MSRA: variants seen among roughly 807,000 people sequenced by gnomAD.
MSRA encodes mitochondrial peptide methionine sulfoxide reductase.
In MSRA, 54 loss-of-function variants were observed where a neutral mutation model predicts 31.3. That is an observed-to-expected ratio of 1.73 (90% CI 1.39 to 2.17). MSRA has a LOEUF of 2.17. Among genes scored for constraint, MSRA ranks in the 30% most tolerant of loss-of-function variants. The pLI is 0.00. For missense variants in MSRA, 507 were observed against 300.9 expected, an observed-to-expected ratio of 1.69 and a Z score of -5.07; for synonymous variants, 169 against 116.5, an observed-to-expected ratio of 1.45 and a Z score of -2.90.
chr8:10,371,434 GA>G (rs1045241187), intron 5 of MSRA, among the ~76,000 whole-genome samples: 8 of 152,296 alleles, frequency 5.3e-5, no homozygotes, highest in Middle Eastern at 3.4e-3. Flanking sequence ...AAGGTTGACA[GA>G]AGCCTTCTTT....
chr8:10,318,243 T>C (rs921820929), intron 4 of MSRA, among the ~76,000 whole-genome samples: 1 of 152,206 alleles, frequency 6.6e-6, no homozygotes, highest in African/African-American at 2.4e-5. Context: ...TCACTGAATG[T>C]CTCTGATCCA....
chr8:10,223,735 T>C (rs1367986760), intron 2 of MSRA, among the ~76,000 whole-genome samples: 2 of 151,892 alleles, frequency 1.3e-5, no homozygotes, highest in African/African-American at 4.8e-5. Flanking sequence ...ATTGTAGGGG[T>C]GTAGTTAAGA....
intron 5 of MSRA, among the ~76,000 whole-genome samples, chr8:10,387,519 G>T (rs1282640183): frequency 1.3e-5 from 2 of 152,178 alleles, no homozygotes; most frequent in African/African-American, 2.4e-5. Flanking sequence ...TTTTGAGGGG[G>T]TGGTAAATGA....
chr8:10,285,921 A>T (rs983968052), intron 3 of MSRA, among the ~76,000 whole-genome samples: 3 of 152,150 alleles, frequency 2.0e-5, no homozygotes, highest in Non-Finnish European at 4.4e-5. Context: ...TTTAATTAAA[A>T]TTTCTAATTA....
At chr8:10,231,945 G>A (rs1288515801) in intron 2 of MSRA, among the ~76,000 whole-genome samples, 8 of 152,040 alleles carry the variant, frequency 5.3e-5, no homozygotes, top group Non-Finnish European at 1.2e-4. Flanking sequence ...GGGTAAACAG[G>A]AAAGCGTGAA....
chr8:10,417,982 C>G, intron 5 of MSRA, among the ~76,000 whole-genome samples: 1 of 152,138 alleles, frequency 6.6e-6, no homozygotes, highest in East Asian at 1.9e-4. Context: ...GAGTTTTCCC[C>G]TAAAGCAGCT....
chr8:10,363,508 G>A (rs1024922874), intron 5 of MSRA, among the ~76,000 whole-genome samples: 3 of 152,072 alleles, frequency 2.0e-5, no homozygotes, highest in African/African-American at 2.4e-5. Flanking sequence ...AGGCCCTACC[G>A]TGCCTGTCTT....
intron 2 of MSRA, among the ~76,000 whole-genome samples, chr8:10,235,028 A>T (rs1811832017): frequency 6.6e-6 from 1 of 152,150 alleles, no homozygotes. Flanking sequence ...CCAGAAAATT[A>T]AACAGATATA....
At position 10,159,604 on chromosome 8, in the gene MSRA, G is replaced by C. The variant is rs73664928; in HGVS notation, c.143-48229G>C. 7.6e-4 allele frequency among the ~76,000 whole-genome samples: 115 copies of C among 152,304 alleles called. 1 individual carries two copies. Among genetic ancestry groups the C allele is most frequent in the African/African-American group, 2.4e-3 (99 of 41,564 alleles). ...TTCACTTTATTGAAATTTGTTGCAG[G>C]ATAACATCTCTGTCAAAGCACTTTA... On this transcript the variant is annotated intron_variant, in intron 1 of 5. Transcript: ENST00000317173.
intron 5 of MSRA, among the ~76,000 whole-genome samples, chr8:10,373,190 C>A (rs563254154): frequency 6.6e-6 from 1 of 152,220 alleles, no homozygotes; most frequent in Non-Finnish European, 1.5e-5. Context: ...CGCGCCCAGC[C>A]GCTAAGTGAT....
intron 1 of MSRA, among the ~76,000 whole-genome samples, chr8:10,161,014 A>G (rs1585061756): frequency 6.9e-6 from 1 of 145,784 alleles, no homozygotes; most frequent in Non-Finnish European, 1.5e-5. Context: ...TAAATATCAA[A>G]TGAATAAGGC....
intron 1 of MSRA, among the ~76,000 whole-genome samples, chr8:10,084,482 A>T (rs1228876237): frequency 1.3e-5 from 2 of 152,228 alleles, no homozygotes; most frequent in Admixed American, 1.3e-4. Context: ...ATATTATTTC[A>T]TGTGGGGATT....
At chr8:10,355,915 A>G (rs916623196) in intron 5 of MSRA, among the ~76,000 whole-genome samples, 1 of 152,200 alleles carries the variant, frequency 6.6e-6, no homozygotes, top group Non-Finnish European at 1.5e-5. Flanking sequence ...AGTCTGAGCC[A>G]TAGGAAACTG....
At chr8:10,192,085 G>C (rs895474402) in intron 1 of MSRA, among the ~76,000 whole-genome samples, 5 of 152,090 alleles carry the variant, frequency 3.3e-5, no homozygotes, top group Admixed American at 1.3e-4. Context: ...GCTGCCTTAC[G>C]ATATAGCAGC....
chr8:10,354,566 A>G (rs1178118626), intron 5 of MSRA, among the ~76,000 whole-genome samples: 1 of 152,180 alleles, frequency 6.6e-6, no homozygotes, highest in Non-Finnish European at 1.5e-5. Flanking sequence ...CTATGGGAAT[A>G]AATACCTTAA....
chr8:10,210,419 C>T (rs552540021), intron 2 of MSRA, among the ~76,000 whole-genome samples: 2 of 152,326 alleles, frequency 1.3e-5, no homozygotes, highest in South Asian at 4.1e-4. Context: ...TGGGTCCACA[C>T]ACAAAAGTAT....
chr8:10,293,654 C>G (rs146748632), intron 3 of MSRA, among the ~76,000 whole-genome samples: 19 of 152,338 alleles, frequency 1.2e-4, no homozygotes, highest in African/African-American at 4.6e-4. Flanking sequence ...GTTCCCCAAC[C>G]TCTTCCTCAG....
chr8:10,158,859 C>T (rs1038078554), intron 1 of MSRA, among the ~76,000 whole-genome samples: 6 of 152,174 alleles, frequency 3.9e-5, no homozygotes, highest in Non-Finnish European at 7.3e-5. Flanking sequence ...GCAGAGGATT[C>T]CAGTTTATCC....
At position 10,116,468 on chromosome 8, in the gene MSRA, G is replaced by A. The variant is rs567698075; in HGVS notation, c.142+61810G>A. ...CTTGAGCACCTCCTGTATGCTGAAC[G>A]CCATGCTACGCTCTGCGGTACAGAG... On this transcript the variant is annotated intron_variant, in intron 1 of 5. Transcript: ENST00000317173. Among the ~76,000 whole-genome samples the A allele has an allele frequency of 6.6e-5, 10 of 152,256 alleles. 1 individual carries two copies. The South Asian group carries it at 8.3e-4, about 13-fold the overall frequency.
Sources: allele counts gnomAD v4.1 joint callset (sites outside exome capture counted in the v4.1 genomes callset), GRCh38; gene constraint gnomAD v4.1.1; transcripts MANE v1.5; gene names NCBI Gene and HGNC (gene_info 2026-07-23, HGNC 2026-07-21).